RTN4R: variants seen among roughly 807,000 people sequenced by gnomAD.
RTN4R encodes reticulon-4 receptor.
In RTN4R, 4 loss-of-function variants were observed where a neutral mutation model predicts 27.7. The observed-to-expected ratio is 0.14, with a 90% CI of 0.07 to 0.33. The LOEUF is 0.33. RTN4R is among the 10% of genes least tolerant of loss of function. The probability of loss-of-function intolerance (pLI) is 1.00; values close to 1 mark genes in which losing one functional copy is unlikely to be tolerated. For missense variants in RTN4R, 554 were observed against 671.5 expected (o/e 0.83, Z 1.93); for synonymous variants, 290 against 305.6 (o/e 0.95, Z 0.53).
chr22:20,266,902 CG>C (rs2051280762), intron 1 of RTN4R, among the ~76,000 whole-genome samples: 1 of 152,268 alleles, frequency 6.6e-6, no homozygotes, highest in Non-Finnish European at 1.5e-5. Flanking sequence ...AAGCCCGAGG[CG>C]GGGACCCCCA....
At chr22:20,258,911 T>C (rs910752029) in intron 1 of RTN4R, among the ~76,000 whole-genome samples, 5 of 152,026 alleles carry the variant, frequency 3.3e-5, no homozygotes. Context: ...TCCTGACATG[T>C]ACCAAGGCTG....
intron 1 of RTN4R, among the ~76,000 whole-genome samples, chr22:20,254,219 A>G (rs553380694): frequency 6.6e-5 from 10 of 152,026 alleles, no homozygotes; most frequent in Non-Finnish European, 1.2e-4. Context: ...GCTTGAGGCC[A>G]GGAGTTTGAG....
chr22:20,248,443 T>C (rs2051155081), intron 1 of RTN4R, among the ~76,000 whole-genome samples: 1 of 152,164 alleles, frequency 6.6e-6, no homozygotes. Flanking sequence ...ACACTGAAGC[T>C]AGCAGAGGAT....
intron 1 of RTN4R, among the ~76,000 whole-genome samples, chr22:20,260,194 G>T (rs571262868): frequency 6.6e-6 from 1 of 152,080 alleles, no homozygotes; most frequent in Non-Finnish European, 1.5e-5. Flanking sequence ...GCCCTAGGGG[G>T]CTCATCTGTA....
Position 20,242,224 on chromosome 22 carries a change from G to C in RTN4R, c.909C>G (p.Ala303=). Residue 303 remains alanine (A), a synonymous_variant, in exon 2 of 2, where the codon GCC becomes GCG. Coordinates refer to ENST00000043402, the MANE Select transcript of RTN4R (RefSeq NM_023004.6). ...CCACAGCGCAGCCCTGCAGGTCATTGGCAGCTAGGCGTTTGAGGTCACGGC... is the reference window on the plus strand; with the variant it reads ...CCACAGCGCAGCCCTGCAGGTCATTCGCAGCTAGGCGTTTGAGGTCACGGC... ...LAGRDLKRLA[A]NDLQGCAVAT... 6.2e-7 allele frequency: 1 copy of C among 1,605,680 alleles called. No individual in the cohort carries two copies. Among genetic ancestry groups the C allele is most frequent in the South Asian group, 1.1e-5 (1 of 90,190 alleles).
At chr22:20,245,792 T>C (rs1170648438) in intron 1 of RTN4R, among the ~76,000 whole-genome samples, 1 of 152,098 alleles carries the variant, frequency 6.6e-6, no homozygotes, top group Non-Finnish European at 1.5e-5. Flanking sequence ...TCACCCAGTC[T>C]CACCCTGGCC....
intron 1 of RTN4R, chr22:20,267,583 C>T (rs1339886145): frequency 8.5e-6 from 4 of 468,842 alleles, no homozygotes; most frequent in South Asian, 3.1e-5. Flanking sequence ...CCGCCAACGC[C>T]CCCATTCATC....
intron 1 of RTN4R, among the ~76,000 whole-genome samples, chr22:20,262,058 C>A (rs148220813): frequency 6.6e-6 from 1 of 152,136 alleles, no homozygotes; most frequent in African/African-American, 2.4e-5. Context: ...GGCCACAGGC[C>A]GGGGACAGAG....
In RTN4R at chr22:20,267,994, C is replaced by A. The variant is rs572361632; in HGVS notation, c.22+77G>T. The A allele has an allele frequency of 8.2e-3, 7,198 of 876,348 alleles. 35 individuals carry two copies. The highest frequency in any genetic ancestry group is 9.7e-3 in the Non-Finnish European group (6,707 of 688,370). 54.3% of individuals were successfully genotyped at this position (876,348 alleles called of 1,614,324 possible). On this transcript the variant is annotated intron_variant, in intron 1 of 1. Coordinates refer to ENST00000043402, the MANE Select transcript of RTN4R (RefSeq NM_023004.6). Reference sequence around the variant, plus strand: ...CCTCGGCAGCCCGGGACGGGCCCTGCGGCTCCGGGGAGGGGGCGAGCCGCC... The same window carrying A: ...CCTCGGCAGCCCGGGACGGGCCCTGAGGCTCCGGGGAGGGGGCGAGCCGCC...
chr22:20,256,818 T>C (rs2051214641), intron 1 of RTN4R, among the ~76,000 whole-genome samples: 1 of 152,222 alleles, frequency 6.6e-6, no homozygotes, highest in Non-Finnish European at 1.5e-5. Flanking sequence ...CCTGTGCTTC[T>C]TGGCTGGGTT....
At position 20,255,311 on chromosome 22, in the gene RTN4R, A is replaced by G. The variant is rs1165428977; in HGVS notation, c.23-12201T>C. Among the ~76,000 whole-genome samples the G allele has an allele frequency of 2.0e-5, 3 of 152,238 alleles. No individual in the cohort carries two copies. The highest frequency in any genetic ancestry group is 7.2e-5 in the African/African-American group (3 of 41,456). On this transcript the variant is annotated intron_variant, in intron 1 of 1. Coordinates refer to ENST00000043402, the MANE Select transcript of RTN4R (RefSeq NM_023004.6). This position sits in a 1 kb window ranked among gnomAD's most constrained non-coding sequence, Gnocchi z 4.8. ...AAAGTGTATCTTCCAGAAGGTGGAGACAAATGTAGGTTAGAAGCAGGTGTC... is the reference window on the plus strand; with the variant it reads ...AAAGTGTATCTTCCAGAAGGTGGAGGCAAATGTAGGTTAGAAGCAGGTGTC...
intron 1 of RTN4R, among the ~76,000 whole-genome samples, chr22:20,257,231 G>A (rs924614815): frequency 2.0e-5 from 3 of 152,250 alleles, no homozygotes; most frequent in Non-Finnish European, 4.4e-5. Flanking sequence ...CAGCACCCCA[G>A]TGCCAAGGGC....
chr22:20,245,736 G>A (rs960068313), intron 1 of RTN4R, among the ~76,000 whole-genome samples: 2 of 152,166 alleles, frequency 1.3e-5, no homozygotes, highest in African/African-American at 4.8e-5. Flanking sequence ...CTGTCCTTCT[G>A]GAGATAGCAT....
Position 20,241,449 on chromosome 22 carries a change from T to A in RTN4R, c.*262A>T, listed in dbSNP as rs906698396. 2 of 550,756 alleles carry A rather than the reference T, an allele frequency of 3.6e-6. No individual in the cohort carries two copies. Among genetic ancestry groups the A allele is most frequent in the Non-Finnish European group, 6.4e-6 (2 of 310,188 alleles). The allele number at this position is 550,756 out of a possible 1,614,324, so 34.1% of individuals were successfully genotyped here. On this transcript the variant is annotated 3_prime_UTR_variant, in exon 2 of 2. Coordinates refer to ENST00000043402, the MANE Select transcript of RTN4R (RefSeq NM_023004.6). ...GAGCTCTTTATTCCACGTCGTCCGA[T>A]ATTTTTACACAAGTAAAATAAAATG...
intron 1 of RTN4R, among the ~76,000 whole-genome samples, chr22:20,259,150 G>T (rs1157197787): frequency 6.6e-6 from 1 of 152,132 alleles, no homozygotes; most frequent in African/African-American, 2.4e-5. Context: ...AGGGAGGTTG[G>T]TGCCCCACCC....
chr22:20,260,540 A>G (rs971625530), intron 1 of RTN4R, among the ~76,000 whole-genome samples: 3 of 152,156 alleles, frequency 2.0e-5, no homozygotes, highest in African/African-American at 7.2e-5. Flanking sequence ...CCAGCTCCTC[A>G]GCCCTCCCTC....
chr22:20,248,938 G>A (rs935267558), intron 1 of RTN4R, among the ~76,000 whole-genome samples: 1 of 152,108 alleles, frequency 6.6e-6, no homozygotes, highest in African/African-American at 2.4e-5. Flanking sequence ...ACCCCTCACT[G>A]GAGGTGCACC....
At chr22:20,259,794 A>T (rs1477319877) in intron 1 of RTN4R, among the ~76,000 whole-genome samples, 1 of 151,704 alleles carries the variant, frequency 6.6e-6, no homozygotes, top group Non-Finnish European at 1.5e-5. Context: ...CCCCGCTGCC[A>T]CTCCTAGGGA....
chr22:20,263,684 T>C (rs1019333826), intron 1 of RTN4R, among the ~76,000 whole-genome samples: 4 of 152,244 alleles, frequency 2.6e-5, no homozygotes, highest in African/African-American at 9.6e-5. Flanking sequence ...CAGGCCTGTG[T>C]AGACCTACAT....
Sources: gnomAD v4.1 joint callset for allele counts (sites outside exome capture counted in the v4.1 genomes callset) on GRCh38, gnomAD v4.1.1 for gene constraint, Gnocchi (gnomAD v3.1) non-coding constraint, MANE v1.5 for transcripts, NCBI Gene and HGNC (gene_info 2026-07-23, HGNC 2026-07-21) for gene names.